Variants in AGBL1 observed in about 807,000 individuals in gnomAD.
The protein encoded by AGBL1 is cytosolic carboxypeptidase 4.
Under a neutral mutation model 118.9 loss-of-function variants are expected in AGBL1, and 130 were observed. The observed-to-expected ratio is 1.09, with a 90% confidence interval of 0.95 to 1.26. The LOEUF is 1.26. Among genes scored for constraint, AGBL1 ranks in the 50% most tolerant of loss-of-function variants. The pLI, the probability that AGBL1 is intolerant of heterozygous loss-of-function variation, is 0.00. For missense variants in AGBL1, 1,584 were observed against 1,298.1 expected, an observed-to-expected ratio of 1.22 and a Z score of -3.38; for synonymous variants, 555 against 478.9, an observed-to-expected ratio of 1.16 and a Z score of -2.08.
intron 17 of AGBL1, among the ~76,000 whole-genome samples, chr15:86,331,807 A>T (rs2080273856): frequency 6.6e-6 from 1 of 152,236 alleles, no homozygotes; most frequent in South Asian, 2.1e-4. Flanking sequence ...AGTTCTAAAC[A>T]TGGAACAACA....
intron 6 of AGBL1, among the ~76,000 whole-genome samples, chr15:86,241,256 G>A (rs930277478): frequency 6.6e-6 from 1 of 152,176 alleles, no homozygotes; most frequent in East Asian, 1.9e-4. Context: ...CTGCTCATTG[G>A]TGAAGGGTAT....
intron 5 of AGBL1, among the ~76,000 whole-genome samples, chr15:86,218,722 G>A (rs1018847385): frequency 1.2e-4 from 18 of 152,356 alleles, no homozygotes; most frequent in Admixed American, 1.1e-3. Context: ...TGTAGAAACT[G>A]CAGGTAGCCT....
intron 21 of AGBL1, among the ~76,000 whole-genome samples, chr15:86,604,940 CA>C (rs557610162): frequency 5.7e-4 from 86 of 151,856 alleles, no homozygotes; most frequent in African/African-American, 2.0e-3. Flanking sequence ...GGATTACAGG[CA>C]TGCGCCACCA....
At chr15:86,448,830 C>T (rs1270559581) in intron 18 of AGBL1, among the ~76,000 whole-genome samples, 1 of 151,774 alleles carries the variant, frequency 6.6e-6, no homozygotes, top group Non-Finnish European at 1.5e-5. Context: ...ACTTAGTGTG[C>T]CATTAAAATT....
At chr15:86,478,249 A>T (rs2082592380) in intron 18 of AGBL1, among the ~76,000 whole-genome samples, 1 of 152,198 alleles carries the variant, frequency 6.6e-6, no homozygotes, top group East Asian at 1.9e-4. Flanking sequence ...AGGCAGGAGA[A>T]AGAAATAAAG....
chr15:86,941,481 C>T (rs1009830033), intron 23 of AGBL1, among the ~76,000 whole-genome samples: 6 of 152,154 alleles, frequency 3.9e-5, no homozygotes, highest in African/African-American at 4.8e-5. Flanking sequence ...AGAGACATCA[C>T]GCCCAAGGAA....
chr15:86,561,979 G>T lies in AGBL1; in HGVS notation c.2994+7442G>T, dbSNP rs186699094. On this transcript the variant is annotated intron_variant, in intron 21 of 22. Transcript: ENST00000614907. ...TTGTCTGTTATTGGTGTATAAGAAT[G>T]CTTGTGATTTTTGCACATTGATTTT... is the stretch of plus-strand genomic sequence containing the variant. Among the ~76,000 whole-genome samples, 23 of 152,258 alleles carry T rather than the reference G, an allele frequency of 1.5e-4. No individual in the cohort carries two copies. The East Asian group carries it at 4.5e-3, about 29-fold the overall frequency.
At chr15:86,849,857 C>G (rs2079380007) in intron 22 of AGBL1, among the ~76,000 whole-genome samples, 1 of 152,220 alleles carries the variant, frequency 6.6e-6, no homozygotes, top group African/African-American at 2.4e-5. Flanking sequence ...GCTTTAGAAA[C>G]AGAGTGAGTA....
intron 4 of AGBL1, among the ~76,000 whole-genome samples, chr15:86,156,107 GA>G (rs2077186253): frequency 6.6e-6 from 1 of 152,028 alleles, no homozygotes; most frequent in South Asian, 2.1e-4. Context: ...TTTTAGTAGG[GA>G]CAGGGTTTCA....
chr15:86,266,079 C>G (rs1336685836), intron 11 of AGBL1, among the ~76,000 whole-genome samples: 1 of 152,176 alleles, frequency 6.6e-6, no homozygotes, highest in African/African-American at 2.4e-5. Context: ...TCCAAAGTCC[C>G]CCAACGCAAG....
chr15:86,781,142 T>G (rs567489870), intron 22 of AGBL1, among the ~76,000 whole-genome samples: 6 of 149,806 alleles, frequency 4.0e-5, no homozygotes, highest in African/African-American at 1.5e-4. Context: ...TGAAATAACA[T>G]AGAGATGAAT....
chr15:86,407,192 C>T (rs887291968), intron 18 of AGBL1, among the ~76,000 whole-genome samples: 5 of 152,134 alleles, frequency 3.3e-5, no homozygotes, highest in African/African-American at 1.2e-4. Context: ...ATTATTACAA[C>T]TACCTGAAAA....
chr15:86,622,125 C>T lies in AGBL1; in HGVS notation c.2995-52148C>T, dbSNP rs143790573. ...GGCTGATCACCTGAGGTCAGGAGCT[C>T]GAGACCAGCCTGGCCAACATGGTGA... On this transcript the variant is annotated intron_variant, in intron 21 of 22. Transcript: ENST00000614907. 1.5e-3 allele frequency among the ~76,000 whole-genome samples: 225 copies of T among 152,094 alleles called. 3 individuals carry two copies. The highest frequency in any genetic ancestry group is 9.1e-4 in the Non-Finnish European group (62 of 67,986).
At chr15:86,777,066 T>G (rs1326889450) in intron 22 of AGBL1, among the ~76,000 whole-genome samples, 1 of 152,074 alleles carries the variant, frequency 6.6e-6, no homozygotes, top group Non-Finnish European at 1.5e-5. Flanking sequence ...AATTAATTTT[T>G]GCATATAGGC....
chr15:86,203,635 A>T (rs1272319224), intron 5 of AGBL1, among the ~76,000 whole-genome samples: 1 of 152,146 alleles, frequency 6.6e-6, no homozygotes, highest in South Asian at 2.1e-4. Flanking sequence ...GACTGTGGCT[A>T]CCTTTACTCT....
At chr15:86,296,304 G>C (rs372230968) in intron 17 of AGBL1, 1 of 151,332 alleles carries the variant, frequency 6.6e-6, no homozygotes, top group South Asian at 2.1e-4. Flanking sequence ...AATTAAAGAA[G>C]AAGCTGGATG....
At chr15:86,752,605 C>G (rs1014050781) in intron 22 of AGBL1, among the ~76,000 whole-genome samples, 4 of 152,010 alleles carry the variant, frequency 2.6e-5, no homozygotes, top group Non-Finnish European at 5.9e-5. Flanking sequence ...AGGCTCTACC[C>G]CATTGCCAGG....
chr15:86,965,500 T>C (rs1310627013), intron 23 of AGBL1, among the ~76,000 whole-genome samples: 1 of 152,120 alleles, frequency 6.6e-6, no homozygotes, highest in African/African-American at 2.4e-5. Context: ...CTTGTAAATT[T>C]GTTTAAGTTC....
chr15:86,497,476 T>C (rs1470449280), intron 18 of AGBL1, among the ~76,000 whole-genome samples: 7 of 152,030 alleles, frequency 4.6e-5, no homozygotes, highest in Non-Finnish European at 1.0e-4. Context: ...GAAGAGAATG[T>C]GGCTTTTCCG....
Sources: allele counts gnomAD v4.1 joint callset (sites outside exome capture counted in the v4.1 genomes callset), GRCh38; gene constraint gnomAD v4.1.1; transcripts MANE v1.5; gene names NCBI Gene and HGNC (gene_info 2026-07-23, HGNC 2026-07-21).